TRAPPC9: variants seen among roughly 807,000 people sequenced by gnomAD.
TRAPPC9 encodes IKK2 binding protein.
TRAPPC9 carries 83 observed loss-of-function variants against 124.0 expected under a neutral mutation model. That is an observed-to-expected ratio of 0.67 (90% confidence interval 0.56 to 0.80). TRAPPC9 has a LOEUF of 0.80. Ranked by LOEUF, TRAPPC9 falls within the 30% of genes least tolerant of loss-of-function variation. The pLI is 0.00. For synonymous variants in TRAPPC9, 638 were observed against 617.5 expected (o/e 1.03, Z -0.49); for missense variants, 1,302 against 1,508.3 (o/e 0.86, Z 2.27).
rs1818599288 is a variant in TRAPPC9, at chr8:139,742,113, T to C, written c.3056-9911A>G. 1.3e-5 allele frequency among the ~76,000 whole-genome samples: 2 copies of C among 152,240 alleles called. No individual in the cohort carries two copies. The highest frequency in any genetic ancestry group is 4.8e-5 in the African/African-American group (2 of 41,462). ...GCACCAGACTGTTTTCCAAGGCGGC[T>C]GCACCCCCATTCCCAGCGGCGGTGC... On this transcript the variant is annotated intron_variant, in intron 21 of 22. Coordinates refer to ENST00000438773, the MANE Select transcript of TRAPPC9 (RefSeq NM_001160372.4). The surrounding 1 kb of genome is among the most constrained non-coding windows in gnomAD (Gnocchi z 4.7).
At chr8:140,450,416 G>A (rs150735600) in intron 2 of TRAPPC9, among the ~76,000 whole-genome samples, 354 of 152,272 alleles carry the variant, frequency 2.3e-3, no homozygotes, top group Middle Eastern at 6.8e-3. Flanking sequence ...AAAATCTGGC[G>A]TGGGTTTTAT....
intron 8 of TRAPPC9, among the ~76,000 whole-genome samples, chr8:140,364,797 C>T (rs1230723526): frequency 6.6e-6 from 1 of 152,020 alleles, no homozygotes; most frequent in African/African-American, 2.4e-5. Flanking sequence ...GTCTCGAACT[C>T]CTGACCTCAA....
chr8:139,945,291 T>C (rs1834137683), intron 19 of TRAPPC9, among the ~76,000 whole-genome samples: 2 of 152,224 alleles, frequency 1.3e-5, no homozygotes, highest in Middle Eastern at 6.8e-3. Context: ...TGTATTACCA[T>C]ACTGGAGTGG....
chr8:140,374,149 C>A (rs984459452), intron 7 of TRAPPC9, among the ~76,000 whole-genome samples: 2 of 152,168 alleles, frequency 1.3e-5, no homozygotes, highest in African/African-American at 4.8e-5. Context: ...GTCTATGGTC[C>A]GTGAATATTC....
At position 140,264,890 on chromosome 8, in the gene TRAPPC9, C is replaced by A. The variant is rs188684356; in HGVS notation, c.2278+10768G>T. ...GACAGGAGCGTGTGTTCTGGGATGA[C>A]CACGTGAGAGAGGGACTGGATCCTG... On this transcript the variant is annotated intron_variant, in intron 15 of 22. Transcript: ENST00000438773. Among the ~76,000 whole-genome samples, 205 of 152,230 alleles carry A rather than the reference C, an allele frequency of 1.3e-3. No individual in the cohort carries two copies. The Middle Eastern group carries it at 0.027, about 20-fold the overall frequency.
rs1043083148 is a variant in TRAPPC9, at chr8:140,104,795, T to C, written c.2557-80716A>G. Among the ~76,000 whole-genome samples, 1 of 152,192 alleles carries C rather than the reference T, an allele frequency of 6.6e-6. No homozygotes were observed. The highest frequency in any genetic ancestry group is 2.4e-5 in the African/African-American group (1 of 41,436). On this transcript the variant is annotated intron_variant, in intron 17 of 22. Transcript: ENST00000438773. This position sits in a 1 kb window ranked among gnomAD's most constrained non-coding sequence, Gnocchi z 4.0. ...CAAGGTACTTCTTAAACATCCTTCT[T>C]GTGATTAGGACATTTCCCAGAGTTG...
intron 17 of TRAPPC9, among the ~76,000 whole-genome samples, chr8:140,046,241 C>T (rs1343934907): frequency 6.6e-6 from 1 of 152,266 alleles, no homozygotes; most frequent in Non-Finnish European, 1.5e-5. Flanking sequence ...TTGGATGCTC[C>T]GTGTGTTGTC....
intron 17 of TRAPPC9, among the ~76,000 whole-genome samples, chr8:140,068,469 C>T (rs1246370130): frequency 6.6e-6 from 1 of 152,176 alleles, no homozygotes; most frequent in Non-Finnish European, 1.5e-5. Flanking sequence ...TGAACTCTTA[C>T]ATTTGGAGGG....
At chr8:140,189,301 G>A (rs1019604310) in intron 17 of TRAPPC9, among the ~76,000 whole-genome samples, 3 of 152,112 alleles carry the variant, frequency 2.0e-5, no homozygotes, top group East Asian at 1.9e-4. Context: ...AGAAGTGACC[G>A]CCCTAAAAGA....
At chr8:140,081,135 G>A (rs987776094) in intron 17 of TRAPPC9, among the ~76,000 whole-genome samples, 5 of 152,012 alleles carry the variant, frequency 3.3e-5, no homozygotes, top group South Asian at 2.1e-4. Flanking sequence ...TCCCCAGTGC[G>A]TCTGCAGCTG....
chr8:140,418,272 T>C (rs551189074), intron 5 of TRAPPC9, among the ~76,000 whole-genome samples: 1 of 152,256 alleles, frequency 6.6e-6, no homozygotes, highest in Admixed American at 6.5e-5. Context: ...CTACCAAATA[T>C]TTAAGGACAA....
chr8:140,120,060 A>G (rs142469396), intron 17 of TRAPPC9, among the ~76,000 whole-genome samples: 1 of 152,270 alleles, frequency 6.6e-6, no homozygotes, highest in East Asian at 1.9e-4. Flanking sequence ...GACATAGCAC[A>G]TCCTTTAGGA....
At chr8:140,272,983 C>G (rs767094328) in intron 15 of TRAPPC9, among the ~76,000 whole-genome samples, 1 of 152,052 alleles carries the variant, frequency 6.6e-6, no homozygotes, top group Non-Finnish European at 1.5e-5. Flanking sequence ...TGCTTACATG[C>G]CAAGCACTGT....
chr8:140,061,315 C>G (rs1351979546), intron 17 of TRAPPC9, among the ~76,000 whole-genome samples: 3 of 151,408 alleles, frequency 2.0e-5, no homozygotes, highest in Non-Finnish European at 3.0e-5. Context: ...GTTGTGTCCT[C>G]TCTTGCAGCT....
Position 139,825,819 on chromosome 8 carries a change from G to C in TRAPPC9, c.3055+60060C>G, listed in dbSNP as rs1212601570. ...CAGCCGTGAGACGATGGCCGGAGCT[G>C]AGTGTCAACGCCCAAGGATTTCCAG... is the stretch of plus-strand genomic sequence containing the variant. On this transcript the variant is annotated intron_variant, in intron 21 of 22. Transcript: ENST00000438773. This position sits in a 1 kb window ranked among gnomAD's most constrained non-coding sequence, Gnocchi z 4.6. 6.6e-6 allele frequency among the ~76,000 whole-genome samples: 1 copy of C among 152,070 alleles called. No individual in the cohort carries two copies. The highest frequency in any genetic ancestry group is 1.5e-5 in the Non-Finnish European group (1 of 68,016).
intron 2 of TRAPPC9, among the ~76,000 whole-genome samples, chr8:140,441,804 A>T (rs1476340641): frequency 2.6e-5 from 4 of 152,156 alleles, no homozygotes; most frequent in African/African-American, 9.7e-5. Flanking sequence ...GGCCCAAGCA[A>T]TCCACCTGCC....
intron 19 of TRAPPC9, chr8:139,931,207 C>T (rs534794280): frequency 6.6e-6 from 1 of 152,304 alleles, no homozygotes; most frequent in African/African-American, 2.4e-5. Context: ...GAATATTAAC[C>T]ATAGACAACT....
intron 21 of TRAPPC9, among the ~76,000 whole-genome samples, chr8:139,815,717 C>T (rs186298970): frequency 6.6e-6 from 1 of 152,322 alleles, no homozygotes; most frequent in Admixed American, 6.5e-5. Context: ...AACAGTCAAT[C>T]CACAGATATT....
chr8:139,782,526 C>T (rs1160095019), intron 21 of TRAPPC9, among the ~76,000 whole-genome samples: 2 of 152,160 alleles, frequency 1.3e-5, no homozygotes, highest in African/African-American at 4.8e-5. Context: ...ACATAAGAAT[C>T]CTAAATTACA....
Sources: gnomAD v4.1 joint callset for allele counts (sites outside exome capture counted in the v4.1 genomes callset) on GRCh38, gnomAD v4.1.1 for gene constraint, Gnocchi (gnomAD v3.1) non-coding constraint, MANE v1.5 for transcripts, NCBI Gene and HGNC (gene_info 2026-07-23, HGNC 2026-07-21) for gene names.